PLXNB1: variants seen among roughly 807,000 people sequenced by gnomAD.
The protein encoded by PLXNB1 is plexin-B1.
In PLXNB1, 106 loss-of-function variants were observed where a neutral mutation model predicts 209.4. The ratio of observed to expected loss-of-function variants is 0.51; its 90% CI spans 0.43 to 0.59. The LOEUF is 0.59. Ranked by LOEUF, PLXNB1 falls within the 20% of genes least tolerant of loss-of-function variation. The pLI is 0.00. For missense variants in PLXNB1, 2,357 were observed against 2,853.2 expected, an observed-to-expected ratio of 0.83 and a Z score of 3.96; for synonymous variants, 1,167 against 1,183.2, an observed-to-expected ratio of 0.99 and a Z score of 0.28.
chr3:48,410,269 G>C lies in PLXNB1; in HGVS notation c.5605+27C>G. 8 of 1,568,290 alleles carry C rather than the reference G, an allele frequency of 5.1e-6. No individual in the cohort carries two copies. On this transcript the variant is annotated intron_variant, in intron 31 of 37. Transcript: ENST00000296440. This position sits in a 1 kb window ranked among gnomAD's most constrained non-coding sequence, Gnocchi z 6.4. ...CTCCGGGCTGGGCACAGCAGGGGCA[G>C]AGGACCGTGATGGGAGCGGTACTCA... is the stretch of plus-strand genomic sequence containing the variant.
At chr3:48,421,963 A>T in intron 6 of PLXNB1, 142 bp downstream of exon 6, 1 of 1,315,742 alleles carries the variant, frequency 7.6e-7, no homozygotes, top group Admixed American at 2.1e-5. Context: ...TGCCCAGTGC[A>T]GAGGATGGGG....
intron 34 of PLXNB1, 136 bp from the exon 35 acceptor site, chr3:48,407,227 G>A (rs1449949547): frequency 1.3e-6 from 1 of 772,682 alleles, no homozygotes; most frequent in Admixed American, 2.3e-5. Context: ...GGAAGCCCCT[G>A]AGTCCCGGAA....
rs775651863 is a variant in PLXNB1, at chr3:48,410,083, C to G, written c.5606-6G>C. The G allele has an allele frequency of 3.8e-6, 6 of 1,573,640 alleles. No homozygotes were observed. Among genetic ancestry groups the G allele is most frequent in the Non-Finnish European group, 4.3e-6 (5 of 1,156,942 alleles). On this transcript the variant is annotated splice_polypyrimidine_tract_variant and splice_region_variant and intron_variant, in intron 31 of 37. Transcript: ENST00000296440. The surrounding 1 kb of genome is among the most constrained non-coding windows in gnomAD (Gnocchi z 6.4). Reference sequence around the variant, plus strand: ...ATCCTCCAGCATTGGGGTCCCTGTGCCAAGAGCCCACAGCTGTCACCCCTC... The same window carrying G: ...ATCCTCCAGCATTGGGGTCCCTGTGGCAAGAGCCCACAGCTGTCACCCCTC...
chr3:48,421,900 G>T, intron 6 of PLXNB1, 94 bp from the exon 7 acceptor site: 1 of 1,513,984 alleles, frequency 6.6e-7, no homozygotes, highest in Non-Finnish European at 8.9e-7. Context: ...CCTGGGCAGG[G>T]CCCTAGAGTG....
rs370820795 is a variant in PLXNB1 at position 48,418,151 on chromosome 3, G to C, written c.3222+40C>G. On this transcript the variant is annotated intron_variant, in intron 15 of 37. Coordinates refer to ENST00000296440, the MANE Select transcript of PLXNB1 (RefSeq NM_001130082.3). The surrounding 1 kb of genome is among the most constrained non-coding windows in gnomAD (Gnocchi z 6.6). ...TTGGGCCCCCACACCCTCCCTCTAA[G>C]GGCAGCACTGAGGAAGGGATGGCCA... The C allele has an allele frequency of 3.8e-5, 62 of 1,611,138 alleles. No homozygotes were observed. Among genetic ancestry groups the C allele is most frequent in the Non-Finnish European group, 5.0e-5 (59 of 1,178,836 alleles).
At position 48,406,882 on chromosome 3, in the gene PLXNB1, T is replaced by C. The variant is rs757499559; in HGVS notation, c.6169A>G (p.Arg2057Gly). 7 of 1,613,242 alleles carry C rather than the reference T, an allele frequency of 4.3e-6. No individual in the cohort carries two copies. The highest frequency in any genetic ancestry group is 5.9e-6 in the Non-Finnish European group (7 of 1,179,648). Residue 2057 changes from arginine to glycine, a missense_variant, in exon 36 of 38, where the codon AGA becomes GGA. Around this residue, in one of 7 missense-constraint regions of PLXNB1, gnomAD observed 414 missense variants for 520.5 expected, o/e 0.80. Transcript: ENST00000296440. This position sits in a 1 kb window ranked among gnomAD's most constrained non-coding sequence, Gnocchi z 4.4. Reference sequence around the variant, plus strand: ...TGGTCGCTGGCTGGGACAGTCTGTCTGATGTCTGCATAGTACCTGCCAGAG... The same window carrying C: ...TGGTCGCTGGCTGGGACAGTCTGTCCGATGTCTGCATAGTACCTGCCAGAG... ...RMVERYYADIRQTVPASDQEM... is the reference protein window; with the variant it reads ...RMVERYYADIGQTVPASDQEM...
Position 48,419,320 on chromosome 3 carries a change from A to T in PLXNB1, c.2756T>A (p.Val919Asp). The T allele has an allele frequency of 6.3e-7, 1 of 1,594,098 alleles. No homozygotes were observed. Among genetic ancestry groups the T allele is most frequent in the Non-Finnish European group, 8.6e-7 (1 of 1,167,808 alleles). The change falls in exon 12 of 38, where the codon GTT becomes GAT. Residue 919 changes from valine to aspartate, a missense_variant. Around this residue, in one of 7 missense-constraint regions of PLXNB1, gnomAD observed 410 missense variants for 401.0 expected, o/e 1.02. Transcript: ENST00000296440. The surrounding 1 kb of genome is among the most constrained non-coding windows in gnomAD (Gnocchi z 5.7). Reference protein sequence around the residue: ...GASSCPCVESVQGSTLMPVHV... With the variant: ...GASSCPCVESDQGSTLMPVHV... ...GACCGGCATCAACGTGGAGCCCTGA[A>T]CGCTCTCCACACAGGGGCAGGAGCT...
At position 48,429,891 on chromosome 3, in the gene PLXNB1, C is replaced by G. The variant is rs1406908888; in HGVS notation, c.-60+117G>C. 1.3e-5 allele frequency: 2 copies of G among 152,198 alleles called. No homozygotes were observed. The highest frequency in any genetic ancestry group is 2.4e-5 in the African/African-American group (1 of 41,396). 9.4% of individuals were successfully genotyped at this position (152,198 alleles called of 1,614,324 possible). On this transcript the variant is annotated intron_variant, in intron 1 of 37. Coordinates refer to ENST00000296440, the MANE Select transcript of PLXNB1 (RefSeq NM_001130082.3). The surrounding 1 kb of genome is among the most constrained non-coding windows in gnomAD (Gnocchi z 6.4). ...CGCCCGTCCAGAGCCGGGTAGCACCCGAGTCCCTCACCAGCCCGACCCGTT... is the reference window on the plus strand; with the variant it reads ...CGCCCGTCCAGAGCCGGGTAGCACCGGAGTCCCTCACCAGCCCGACCCGTT...
At position 48,409,806 on chromosome 3, in the gene PLXNB1, G is replaced by A. The variant is rs544307658; in HGVS notation, c.5779-75C>T. ...AGCAGCCCAGCCTCAGACACCCCCC[G>A]GCACTGTGCCTGCACGAGCCCCACA... On this transcript the variant is annotated intron_variant, in intron 32 of 37. Coordinates refer to ENST00000296440, the MANE Select transcript of PLXNB1 (RefSeq NM_001130082.3). The surrounding 1 kb of genome is among the most constrained non-coding windows in gnomAD (Gnocchi z 5.8). The A allele has an allele frequency of 1.1e-5, 18 of 1,580,002 alleles. No homozygotes were observed. The highest frequency in any genetic ancestry group is 1.7e-4 in the Middle Eastern group (1 of 5,808).
chr3:48,413,632 C>T lies in PLXNB1; in HGVS notation c.4535+38G>A, dbSNP rs370092244. The T allele has an allele frequency of 8.4e-5, 131 of 1,567,596 alleles. No individual in the cohort carries two copies. The highest frequency in any genetic ancestry group is 1.4e-4 in the East Asian group (6 of 43,784). On this transcript the variant is annotated intron_variant, in intron 23 of 37. Coordinates refer to ENST00000296440, the MANE Select transcript of PLXNB1 (RefSeq NM_001130082.3). The surrounding 1 kb of genome is among the most constrained non-coding windows in gnomAD (Gnocchi z 5.4). ...CCCTTCCCAGTCCAGCCAGATCCCA[C>T]GACCTGCCCCAGCCCAGCCACATCT...
chr3:48,423,535 A>G lies in PLXNB1; in HGVS notation c.1077T>C (p.Asp359=), dbSNP rs2038672810. 1 of 1,614,038 alleles carries G rather than the reference A, an allele frequency of 6.2e-7. No individual in the cohort carries two copies. The highest frequency in any genetic ancestry group is 8.5e-7 in the Non-Finnish European group (1 of 1,180,002). ...DGTEVAYIEY[D]VNSDCAQLPV... ...GCAGCTGTGCACAGTCAGAATTGAC[A>G]TCATACTCGATGTAGGCCACCTCGG... Residue 359 remains aspartate (D), a synonymous_variant, in exon 3 of 38, where the codon GAT becomes GAC. Coordinates refer to ENST00000296440, the MANE Select transcript of PLXNB1 (RefSeq NM_001130082.3).
intron 21 of PLXNB1, among the ~76,000 whole-genome samples, 161 bp from the exon 22 acceptor site, chr3:48,414,232 G>C (rs2037913255): frequency 6.6e-6 from 1 of 152,130 alleles, no homozygotes; most frequent in Non-Finnish European, 1.5e-5. Flanking sequence ...CCTCCAAGCT[G>C]CTCCTCATCA....
intron 1 of PLXNB1, among the ~76,000 whole-genome samples, chr3:48,426,491 C>A (rs1575414419): frequency 6.6e-6 from 1 of 152,344 alleles, no homozygotes; most frequent in Middle Eastern, 3.4e-3. Flanking sequence ...ATATCCCAAG[C>A]GTTTGCTTCT....
At chr3:48,404,882 C>T (rs1024166453) in intron 37 of PLXNB1, among the ~76,000 whole-genome samples, 1 of 152,104 alleles carries the variant, frequency 6.6e-6, no homozygotes, top group East Asian at 1.9e-4. Context: ...ACCCGCCAGC[C>T]AACAGTATTT....
chr3:48,421,844 G>T, intron 6 of PLXNB1, 38 bp from the exon 7 acceptor site: 1 of 1,578,426 alleles, frequency 6.3e-7, no homozygotes. Flanking sequence ...TGACCCTCAT[G>T]GGCCACTGGG....
Position 48,410,044 on chromosome 3 carries a change from C to T in PLXNB1, c.5639G>A (p.Gly1880Asp), listed in dbSNP as rs953712073. The change falls in exon 32 of 38, where the codon GGC (glycine) becomes GAC (aspartate). Residue 1880 changes from glycine to aspartate, a missense_variant. Coordinates refer to ENST00000296440, the MANE Select transcript of PLXNB1 (RefSeq NM_001130082.3). The surrounding 1 kb of genome is among the most constrained non-coding windows in gnomAD (Gnocchi z 6.4). The stretch of plus-strand genomic sequence containing the variant: ...CTTCACCAGGTGCCAGGGCCGGATG[C>T]CCCCCTCATCTACATCCTCCAGCAT... The part of the protein sequence containing the change: ...TPMLEDVDEG[G>D]IRPWHLVKPS... 3.1e-6 allele frequency: 5 copies of T among 1,606,332 alleles called. No homozygotes were observed. Among genetic ancestry groups the T allele is most frequent in the South Asian group, 1.1e-5 (1 of 90,458 alleles).
rs2037835674 is a variant in PLXNB1, at chr3:48,413,431, T to C, written c.4535+239A>G. The C allele has an allele frequency of 3.3e-6, 2 of 602,482 alleles. No individual in the cohort carries two copies. Among genetic ancestry groups the C allele is most frequent in the Non-Finnish European group, 2.9e-6 (1 of 342,244 alleles). The allele number at this position is 602,482 out of a possible 1,614,324, so 37.3% of individuals were successfully genotyped here. On this transcript the variant is annotated intron_variant, in intron 23 of 37. Transcript: ENST00000296440. The surrounding 1 kb of genome is among the most constrained non-coding windows in gnomAD (Gnocchi z 5.4). ...CCAAATCCATCCCACAACCTATTTT[T>C]ATAAAGATTTGTTAGAACACAGCCA... is the stretch of plus-strand genomic sequence containing the variant.
chr3:48,408,626 A>G (rs1371320467), intron 34 of PLXNB1, among the ~76,000 whole-genome samples: 5 of 151,672 alleles, frequency 3.3e-5, no homozygotes, highest in Non-Finnish European at 5.9e-5. Flanking sequence ...TCTCTTCCCT[A>G]CTTCCCTACT....
At chr3:48,423,098 A>G in intron 3 of PLXNB1, 151 bp from the exon 4 acceptor site, 1 of 662,038 alleles carries the variant, frequency 1.5e-6, no homozygotes, top group Non-Finnish European at 2.6e-6. Context: ...GGACAATCTC[A>G]TCCCCGCCCC....
Sources: gnomAD v4.1 joint callset for allele counts (sites outside exome capture counted in the v4.1 genomes callset) on GRCh38, gnomAD v4.1.1 for gene constraint, gnomAD v4.1.1 regional missense constraint, Gnocchi (gnomAD v3.1) non-coding constraint, MANE v1.5 for transcripts, NCBI Gene and HGNC (gene_info 2026-07-23, HGNC 2026-07-21) for gene names.